Variants in SPAG16 observed in about 807,000 individuals in gnomAD.
The protein encoded by SPAG16 is sperm-associated antigen 16 protein.
SPAG16 carries 86 observed loss-of-function variants against 80.4 expected under a neutral mutation model. That is an observed-to-expected ratio of 1.07 (90% CI 0.90 to 1.28). The LOEUF (loss-of-function observed/expected upper bound fraction) is 1.28, where lower values mean the gene tolerates loss of function less well. Among genes scored for constraint, SPAG16 ranks in the 50% most tolerant of loss-of-function variants. The probability of loss-of-function intolerance (pLI) is 0.00; values close to 1 mark genes in which losing one functional copy is unlikely to be tolerated. For missense variants in SPAG16, 870 were observed against 765.3 expected (o/e 1.14, Z -1.61); for synonymous variants, 294 against 265.9 (o/e 1.11, Z -1.03).
chr2:214,215,658 T>C (rs2058413363), intron 15 of SPAG16, among the ~76,000 whole-genome samples: 1 of 152,170 alleles, frequency 6.6e-6, no homozygotes, highest in Non-Finnish European at 1.5e-5. Flanking sequence ...AAGCAACAAG[T>C]GTTCTTTGTA....
Position 214,212,927 on chromosome 2 carries a change from C to T in SPAG16, c.1720+63661C>T, listed in dbSNP as rs141567231. 1.2e-3 allele frequency among the ~76,000 whole-genome samples: 190 copies of T among 152,350 alleles called. 2 individuals carry two copies. The highest frequency in any genetic ancestry group is 4.0e-3 in the African/African-American group (165 of 41,582). ...CATGTAAGTCCACACAGCACAGACT[C>T]CTCACCTGCCCGTTAACCTCTGAAG... On this transcript the variant is annotated intron_variant, in intron 15 of 15. Coordinates refer to ENST00000331683, the MANE Select transcript of SPAG16 (RefSeq NM_024532.5).
intron 13 of SPAG16, among the ~76,000 whole-genome samples, chr2:214,044,777 C>T (rs926377907): frequency 6.6e-6 from 1 of 152,186 alleles, no homozygotes; most frequent in Admixed American, 6.5e-5. Flanking sequence ...CAGTGCTGCC[C>T]TGTCACAGCA....
intron 15 of SPAG16, chr2:214,240,972 T>G (rs2125825444): frequency 6.6e-6 from 1 of 152,296 alleles, no homozygotes; most frequent in African/African-American, 2.4e-5. Context: ...CAGTCTCAAC[T>G]CATTTTATGA....
At chr2:213,456,517 T>G (rs1464837153) in intron 9 of SPAG16, among the ~76,000 whole-genome samples, 2 of 152,236 alleles carry the variant, frequency 1.3e-5, no homozygotes, top group Non-Finnish European at 2.9e-5. Flanking sequence ...CCACCATTCT[T>G]CAATGTTCCT....
chr2:213,881,301 A>G (rs1184020040), intron 11 of SPAG16, among the ~76,000 whole-genome samples: 3 of 152,102 alleles, frequency 2.0e-5, no homozygotes, highest in South Asian at 4.1e-4. Flanking sequence ...ACTGATTTTT[A>G]CATATTGATT....
chr2:213,942,647 G>C (rs2079259365), intron 12 of SPAG16, among the ~76,000 whole-genome samples: 1 of 152,124 alleles, frequency 6.6e-6, no homozygotes, highest in African/African-American at 2.4e-5. Context: ...TTTCCACATA[G>C]TGGCAGAAAT....
At chr2:213,955,053 C>CT (rs981633183) in intron 12 of SPAG16, among the ~76,000 whole-genome samples, 2 of 151,738 alleles carry the variant, frequency 1.3e-5, no homozygotes. Context: ...TCTTTTATTT[C>CT]TTTTTTTATT....
chr2:214,287,008 G>A (rs937252632), intron 15 of SPAG16, among the ~76,000 whole-genome samples: 1 of 152,146 alleles, frequency 6.6e-6, no homozygotes, highest in African/African-American at 2.4e-5. Flanking sequence ...TATATTTGGA[G>A]ATTAATAAAG....
At position 214,343,277 on chromosome 2, in the gene SPAG16, G is replaced by C. The variant is rs151047159; in HGVS notation, c.1721-66863G>C. ...TCAAGAAACAGAGTTGTACACAAAT[G>C]GAGTTGCCAAACTGGCTGTAAAACT... is the stretch of plus-strand genomic sequence containing the variant. On this transcript the variant is annotated intron_variant, in intron 15 of 15. Transcript: ENST00000331683. 6.6e-3 allele frequency among the ~76,000 whole-genome samples: 1,003 copies of C among 152,212 alleles called. 9 individuals carry two copies. Among genetic ancestry groups the C allele is most frequent in the African/African-American group, 0.023 (962 of 41,540 alleles).
chr2:214,259,157 T>C, intron 15 of SPAG16, among the ~76,000 whole-genome samples: 1 of 151,816 alleles, frequency 6.6e-6, no homozygotes, highest in East Asian at 1.9e-4. Flanking sequence ...TGTTACTTTT[T>C]TCCTAAGGAG....
intron 15 of SPAG16, among the ~76,000 whole-genome samples, chr2:214,359,686 A>G (rs1699050804): frequency 6.6e-6 from 1 of 151,926 alleles, no homozygotes; most frequent in Admixed American, 6.6e-5. Context: ...AGGATTTTCA[A>G]GAGAAATAAG....
intron 10 of SPAG16, among the ~76,000 whole-genome samples, chr2:213,696,259 G>C (rs565061674): frequency 6.6e-6 from 1 of 152,276 alleles, no homozygotes; most frequent in Non-Finnish European, 1.5e-5. Flanking sequence ...AAATAAAGTT[G>C]CAATCCTGAG....
At chr2:213,939,441 G>A (rs541759970) in intron 12 of SPAG16, among the ~76,000 whole-genome samples, 1 of 152,300 alleles carries the variant, frequency 6.6e-6, no homozygotes, top group East Asian at 1.9e-4. Flanking sequence ...CACTGAGAGT[G>A]ACTGTCTTTC....
chr2:213,629,571 C>T (rs1341254688), intron 10 of SPAG16, among the ~76,000 whole-genome samples: 2 of 152,272 alleles, frequency 1.3e-5, no homozygotes, highest in East Asian at 3.9e-4. Flanking sequence ...AATCTATTTC[C>T]CATCCTGAGG....
intron 7 of SPAG16, among the ~76,000 whole-genome samples, chr2:213,361,742 T>C (rs13404755): frequency 0.22 from 33,118 of 150,352 alleles, 4,492 homozygotes; most frequent in Non-Finnish European, 0.31. Context: ...CTGCAGAGGT[T>C]GGTGGATCCC....
chr2:213,720,742 C>CTT (rs564036456), intron 10 of SPAG16, among the ~76,000 whole-genome samples: 8 of 78,920 alleles, frequency 1.0e-4, no homozygotes, highest in African/African-American at 3.2e-4. Context: ...GAAGTAAGTC[C>CTT]TTTTTTTTTT....
At chr2:213,742,564 T>TG (rs2067611063) in intron 10 of SPAG16, among the ~76,000 whole-genome samples, 3 of 151,034 alleles carry the variant, frequency 2.0e-5, no homozygotes, top group Admixed American at 6.6e-5. Flanking sequence ...TTTTTTTTTT[T>TG]TTTTTGAGAC....
Position 214,246,126 on chromosome 2 carries a change from CA to C in SPAG16, c.1720+96870del, listed in dbSNP as rs912935325. ...TTTCTTCTAGAAACCTGTTGACAAA[CA>C]AAAAAAAAATGAGAGGGAATTAGGA... On this transcript the variant is annotated intron_variant, in intron 15 of 15. Coordinates refer to ENST00000331683, the MANE Select transcript of SPAG16 (RefSeq NM_024532.5). 1.2e-4 allele frequency among the ~76,000 whole-genome samples: 18 copies of C among 146,428 alleles called. 1 individual carries two copies. The highest frequency in any genetic ancestry group is 2.5e-4 in the African/African-American group (10 of 40,014).
At chr2:213,572,706 GC>G (rs1290109233) in intron 10 of SPAG16, among the ~76,000 whole-genome samples, 3 of 151,982 alleles carry the variant, frequency 2.0e-5, no homozygotes, top group Non-Finnish European at 1.5e-5. Flanking sequence ...TCTGTGCCCT[GC>G]CCCCAGAGGT....
Sources: gnomAD v4.1 joint callset for allele counts (sites outside exome capture counted in the v4.1 genomes callset) on GRCh38, gnomAD v4.1.1 for gene constraint, MANE v1.5 for transcripts, NCBI Gene and HGNC (gene_info 2026-07-23, HGNC 2026-07-21) for gene names.